Variants in ALDH1A2 observed in about 807,000 individuals in gnomAD.
ALDH1A2 encodes retinal dehydrogenase 2.
A neutral mutation model predicts 60.3 loss-of-function variants in ALDH1A2; 27 were observed. That is an observed-to-expected ratio of 0.45 (90% CI 0.33 to 0.62). The LOEUF (loss-of-function observed/expected upper bound fraction) is 0.62. Among genes scored for constraint, ALDH1A2 ranks in the 20% least tolerant of loss-of-function variants. The probability of loss-of-function intolerance (pLI) is 0.02; values close to 1 mark genes in which losing one functional copy is unlikely to be tolerated. For synonymous variants in ALDH1A2, 289 were observed against 232.4 expected (o/e 1.24, Z -2.21); for missense variants, 581 against 643.8 (o/e 0.90, Z 1.06).
At chr15:57,959,073 G>T (rs1184143086) in intron 12 of ALDH1A2, among the ~76,000 whole-genome samples, 5 of 152,174 alleles carry the variant, frequency 3.3e-5, no homozygotes, top group African/African-American at 1.2e-4. Context: ...CTCAGCTAAT[G>T]TAACAAGTGT....
intron 5 of ALDH1A2, 71 bp downstream of exon 5, chr15:57,995,007 C>G: frequency 7.1e-7 from 1 of 1,402,230 alleles, no homozygotes; most frequent in Non-Finnish European, 1.0e-6. Context: ...CGCTGAGGAC[C>G]ATGTTTTATG....
intron 1 of ALDH1A2, among the ~76,000 whole-genome samples, chr15:58,033,386 T>C (rs1432367617): frequency 6.6e-6 from 1 of 152,016 alleles, no homozygotes; most frequent in Non-Finnish European, 1.5e-5. Context: ...TATGTTGTTA[T>C]TGTTGCTCAT....
intron 1 of ALDH1A2, among the ~76,000 whole-genome samples, chr15:58,055,869 T>C (rs1263144787): frequency 1.3e-5 from 2 of 151,666 alleles, no homozygotes; most frequent in Non-Finnish European, 2.9e-5. Context: ...AAGTATATTA[T>C]TCTTGAATAA....
At chr15:58,026,933 T>C (rs994424489) in intron 1 of ALDH1A2, among the ~76,000 whole-genome samples, 1 of 152,204 alleles carries the variant, frequency 6.6e-6, no homozygotes, top group Non-Finnish European at 1.5e-5. Context: ...ACTCCACCTC[T>C]GTGGGCAGGG....
At chr15:58,020,332 C>G (rs1895892729) in intron 1 of ALDH1A2, among the ~76,000 whole-genome samples, 1 of 152,110 alleles carries the variant, frequency 6.6e-6, no homozygotes, top group Admixed American at 6.6e-5. Flanking sequence ...GGTGTATACC[C>G]AGTAATGGGA....
At chr15:57,963,330 C>G (rs183321314) in intron 9 of ALDH1A2, among the ~76,000 whole-genome samples, 1 of 150,850 alleles carries the variant, frequency 6.6e-6, no homozygotes, top group Non-Finnish European at 1.5e-5. Flanking sequence ...CAGCTTAGTC[C>G]CAAAGGTCAG....
At chr15:58,042,779 T>G (rs1566958711) in intron 1 of ALDH1A2, among the ~76,000 whole-genome samples, 1 of 151,920 alleles carries the variant, frequency 6.6e-6, no homozygotes, top group Non-Finnish European at 1.5e-5. Flanking sequence ...CCAGTGCCAC[T>G]GGTATCCTGC....
chr15:57,969,601 A>C (rs1334767778), intron 7 of ALDH1A2, among the ~76,000 whole-genome samples: 1 of 152,204 alleles, frequency 6.6e-6, no homozygotes, highest in Non-Finnish European at 1.5e-5. Flanking sequence ...CACGTTTTCC[A>C]AGTGGTTAAA....
At chr15:58,026,424 C>A (rs1727042136) in intron 1 of ALDH1A2, among the ~76,000 whole-genome samples, 1 of 152,158 alleles carries the variant, frequency 6.6e-6, no homozygotes, top group South Asian at 2.1e-4. Flanking sequence ...ATAGTAAGAG[C>A]TCTGGTCTGC....
At chr15:58,058,363 A>G (rs367970783) in intron 1 of ALDH1A2, among the ~76,000 whole-genome samples, 16 of 151,576 alleles carry the variant, frequency 1.1e-4, no homozygotes, top group Admixed American at 6.6e-4. Flanking sequence ...ATTTCGCCAG[A>G]TTCATTTACT....
chr15:58,004,310 G>T (rs1895373413), intron 4 of ALDH1A2, among the ~76,000 whole-genome samples: 1 of 151,856 alleles, frequency 6.6e-6, no homozygotes, highest in South Asian at 2.1e-4. Flanking sequence ...TGTAGTCAAA[G>T]TGCTCTTTCT....
intron 1 of ALDH1A2, among the ~76,000 whole-genome samples, chr15:58,055,150 G>T (rs35343865): frequency 1.1e-4 from 16 of 152,120 alleles, no homozygotes; most frequent in Admixed American, 6.5e-4. Flanking sequence ...TAGGGAAGGA[G>T]GAGTATTGAG....
At chr15:58,039,973 A>G (rs1462352876) in intron 1 of ALDH1A2, among the ~76,000 whole-genome samples, 1 of 151,888 alleles carries the variant, frequency 6.6e-6, no homozygotes, top group Non-Finnish European at 1.5e-5. Context: ...CTGCCCTTGA[A>G]ATAAGTGTTC....
At chr15:57,960,400 G>A (rs1044454895) in intron 12 of ALDH1A2, among the ~76,000 whole-genome samples, 2 of 152,166 alleles carry the variant, frequency 1.3e-5, no homozygotes, top group Non-Finnish European at 2.9e-5. Context: ...GGGAAAGTGG[G>A]TTCTTTTCCT....
intron 1 of ALDH1A2, among the ~76,000 whole-genome samples, chr15:58,050,612 A>C (rs1167950798): frequency 2.0e-5 from 3 of 152,168 alleles, no homozygotes; most frequent in Non-Finnish European, 2.9e-5. Flanking sequence ...TATTGCACTT[A>C]GACTTGCTCC....
intron 1 of ALDH1A2, among the ~76,000 whole-genome samples, chr15:58,045,572 G>C (rs1012593185): frequency 6.6e-6 from 1 of 152,018 alleles, no homozygotes; most frequent in Non-Finnish European, 1.5e-5. Flanking sequence ...CCATAAAAAA[G>C]GATGAGTTCA....
rs572439325 is a variant in ALDH1A2, at chr15:58,010,715, C to T, written c.427G>A (p.Val143Ile). ...LQAFYVDLQG[V>I]IKTFRYYAGW... ...GCGTAATATCGAAAGGTTTTGATGA[C>T]GCCCTGCAAATCCACATAAAAAGCT... Residue 143 changes from valine to isoleucine, a missense_variant, in exon 4 of 13, where the codon GTC (valine) becomes ATC (isoleucine). By Grantham distance (29) the Val-to-Ile change is conservative. Transcript: ENST00000249750. 1.4e-5 allele frequency: 22 copies of T among 1,613,498 alleles called. No homozygotes were observed. The highest frequency in any genetic ancestry group is 1.2e-4 in the South Asian group (11 of 91,074).
intron 7 of ALDH1A2, chr15:57,979,916 A>G: frequency 2.8e-6 from 1 of 359,102 alleles, no homozygotes; most frequent in Non-Finnish European, 5.7e-6. Context: ...AGGGACATGG[A>G]GGAATTACCA....
chr15:57,999,218 A>G (rs763099083), intron 4 of ALDH1A2, among the ~76,000 whole-genome samples: 58 of 152,182 alleles, frequency 3.8e-4, no homozygotes, highest in Non-Finnish European at 4.3e-4. Context: ...ATTAAACAAA[A>G]GAGCTTCTGC....
Sources: gnomAD v4.1 joint callset for allele counts (sites outside exome capture counted in the v4.1 genomes callset) on GRCh38, gnomAD v4.1.1 for gene constraint, MANE v1.5 for transcripts, NCBI Gene and HGNC (gene_info 2026-07-23, HGNC 2026-07-21) for gene names.